The following TMPRSS11A variants were observed in gnomAD, a reference collection of about 807,000 sequenced individuals.
The protein encoded by TMPRSS11A is transmembrane protease serine 11A.
A neutral mutation model predicts 58.9 loss-of-function variants in TMPRSS11A; 53 were observed. The ratio of observed to expected loss-of-function variants is 0.90; its 90% CI spans 0.72 to 1.13. The LOEUF is 1.13. Ranked by LOEUF, TMPRSS11A falls within the 50% of genes most tolerant of loss-of-function variation. The pLI is 0.00. For synonymous variants in TMPRSS11A, 167 were observed against 169.8 expected (o/e 0.98, Z 0.13); for missense variants, 493 against 499.3 (o/e 0.99, Z 0.12).
intron 7 of TMPRSS11A, among the ~76,000 whole-genome samples, chr4:67,921,187 A>C (rs1316725336): frequency 6.6e-6 from 1 of 152,224 alleles, no homozygotes; most frequent in Non-Finnish European, 1.5e-5. Flanking sequence ...TATCTACCAC[A>C]AAAATGGCTA....
intron 6 of TMPRSS11A, among the ~76,000 whole-genome samples, chr4:67,923,811 CTTA>C (rs1365361644): frequency 6.6e-6 from 1 of 152,132 alleles, no homozygotes; most frequent in African/African-American, 2.4e-5. Flanking sequence ...TGATTACTTT[CTTA>C]TTATTTTATT....
At chr4:67,960,119 C>T (rs1403826759) in intron 1 of TMPRSS11A, among the ~76,000 whole-genome samples, 2 of 152,140 alleles carry the variant, frequency 1.3e-5, no homozygotes, top group Admixed American at 6.5e-5. Context: ...ATTGAGCACA[C>T]ATAGACATAA....
At chr4:67,937,748 C>T (rs1720784923) in intron 3 of TMPRSS11A, among the ~76,000 whole-genome samples, 1 of 152,066 alleles carries the variant, frequency 6.6e-6, no homozygotes, top group African/African-American at 2.4e-5. Flanking sequence ...CATAGTATTC[C>T]ATGGTATATA....
intron 1 of TMPRSS11A, among the ~76,000 whole-genome samples, chr4:67,953,489 G>C (rs1394440829): frequency 6.6e-6 from 1 of 152,140 alleles, no homozygotes; most frequent in Non-Finnish European, 1.5e-5. Context: ...CATCTCTACT[G>C]GGATGGTGGT....
chr4:67,944,591 T>C lies in TMPRSS11A; in HGVS notation c.180A>G (p.Pro60=). 1 of 1,613,162 alleles carries C rather than the reference T, an allele frequency of 6.2e-7. No individual in the cohort carries two copies. Among genetic ancestry groups the C allele is most frequent in the Non-Finnish European group, 8.5e-7 (1 of 1,179,226 alleles). Residue 60 remains proline, a synonymous_variant, in exon 3 of 10, where the codon CCA becomes CCG. Coordinates refer to ENST00000508048, the MANE Select transcript of TMPRSS11A (RefSeq NM_001114387.2). ...YYHGSFKILD[P]QINNNFGQSN... ...TTTGTCCGAAATTGTTATTGATTTG[T>C]GGATCTAAAATTTTAAAGGAGCCAT...
chr4:67,917,096 A>T (rs1244445758), intron 8 of TMPRSS11A, among the ~76,000 whole-genome samples: 2 of 151,762 alleles, frequency 1.3e-5, no homozygotes, highest in African/African-American at 2.4e-5. Flanking sequence ...TTATTTATCA[A>T]TTTTCTATAG....
rs116043974 is a variant in TMPRSS11A at position 67,912,766 on chromosome 4, T to G, written c.1096-1263A>C. 3.5e-3 allele frequency among the ~76,000 whole-genome samples: 529 copies of G among 152,338 alleles called. 5 individuals carry two copies. Among genetic ancestry groups the G allele is most frequent in the African/African-American group, 0.012 (508 of 41,582 alleles). The stretch of plus-strand genomic sequence containing the variant: ...CTTATCCCTGGCTTCTGACCCTTTA[T>G]GATGGTATGTCTTGGAAAGAAGTAC... On this transcript the variant is annotated intron_variant, in intron 9 of 9. Coordinates refer to ENST00000508048, the MANE Select transcript of TMPRSS11A (RefSeq NM_001114387.2).
chr4:67,930,754 T>TA (rs202134401), intron 4 of TMPRSS11A, among the ~76,000 whole-genome samples: 23,857 of 103,526 alleles, frequency 0.23, 2,658 homozygotes, highest in East Asian at 0.59. Context: ...GGTTTTTGTT[T>TA]AAAAAAAAAA....
At chr4:67,937,520 G>T (rs1323487613) in intron 3 of TMPRSS11A, among the ~76,000 whole-genome samples, 1 of 152,158 alleles carries the variant, frequency 6.6e-6, no homozygotes, top group African/African-American at 2.4e-5. Context: ...TTCTGTCTTA[G>T]CTGAGTCCCT....
At chr4:67,941,772 T>C (rs1475292575) in intron 3 of TMPRSS11A, among the ~76,000 whole-genome samples, 1 of 152,240 alleles carries the variant, frequency 6.6e-6, no homozygotes, top group Middle Eastern at 3.4e-3. Context: ...GATAAAACTA[T>C]AAGGTTAATA....
intron 3 of TMPRSS11A, among the ~76,000 whole-genome samples, chr4:67,937,242 C>T (rs561189730): frequency 6.6e-6 from 1 of 152,272 alleles, no homozygotes; most frequent in Admixed American, 6.5e-5. Context: ...TTTCTTCCAA[C>T]TATAGATTGT....
At chr4:67,961,932 G>T (rs1721438615) in intron 1 of TMPRSS11A, among the ~76,000 whole-genome samples, 1 of 152,022 alleles carries the variant, frequency 6.6e-6, no homozygotes. Context: ...AATGTTCATA[G>T]AAAAGGACAC....
chr4:67,924,369 T>C (rs1720411217), intron 5 of TMPRSS11A, among the ~76,000 whole-genome samples: 1 of 152,208 alleles, frequency 6.6e-6, no homozygotes, highest in Admixed American at 6.5e-5. Flanking sequence ...ATTAGGTGGA[T>C]ACTATCACAA....
At position 67,918,954 on chromosome 4, in the gene TMPRSS11A, G is replaced by T. The variant is rs751845351; in HGVS notation, c.952+19C>A. On this transcript the variant is annotated intron_variant, in intron 8 of 9. Coordinates refer to ENST00000508048, the MANE Select transcript of TMPRSS11A (RefSeq NM_001114387.2). ...TTAGACAGGGCTTAGCGCTCTGTTA[G>T]CTATCCTGAGATACCCACCACCATA... 1 of 1,613,506 alleles carries T rather than the reference G, an allele frequency of 6.2e-7. No individual in the cohort carries two copies. Among genetic ancestry groups the T allele is most frequent in the Non-Finnish European group, 8.5e-7 (1 of 1,179,556 alleles).
intron 5 of TMPRSS11A, among the ~76,000 whole-genome samples, chr4:67,926,405 T>A (rs768365238): frequency 6.6e-6 from 1 of 152,252 alleles, no homozygotes; most frequent in Non-Finnish European, 1.5e-5. Context: ...CGTAAAGATT[T>A]TCCTGAGCTG....
At chr4:67,938,037 C>A (rs530303988) in intron 3 of TMPRSS11A, among the ~76,000 whole-genome samples, 3 of 152,166 alleles carry the variant, frequency 2.0e-5, no homozygotes, top group African/African-American at 7.2e-5. Flanking sequence ...TTTAAGCATT[C>A]TCTTTCCTCC....
At chr4:67,961,971 A>G (rs569064151) in intron 1 of TMPRSS11A, among the ~76,000 whole-genome samples, 7 of 152,344 alleles carry the variant, frequency 4.6e-5, no homozygotes, top group Non-Finnish European at 8.8e-5. Context: ...TGAGCTTGAT[A>G]TTTTAAAAGA....
intron 1 of TMPRSS11A, among the ~76,000 whole-genome samples, chr4:67,955,917 T>C (rs1357655993): frequency 6.6e-6 from 1 of 152,200 alleles, no homozygotes; most frequent in African/African-American, 2.4e-5. Context: ...TTAACAAAAA[T>C]GAGAGTTTAA....
rs766734558 is a variant in TMPRSS11A at position 67,919,058 on chromosome 4, G to T, written c.867C>A (p.Arg289=). ...SSRVTFSDDI[R]QICLPEASAS... is the part of the protein sequence containing the mutation. ...CAGAGGCTTCTGGCAAACAAATCTG[G>T]CGTATGTCATCCGAAAAGGTGACTC... is the stretch of plus-strand genomic sequence containing the variant. Residue 289 remains arginine, a synonymous_variant, in exon 8 of 10, where the codon CGC becomes CGA. Transcript: ENST00000508048. 4.3e-5 allele frequency: 70 copies of T among 1,614,018 alleles called. No homozygotes were observed. Among genetic ancestry groups the T allele is most frequent in the Non-Finnish European group, 5.5e-5 (65 of 1,180,022 alleles).
Sources: allele counts gnomAD v4.1 joint callset (sites outside exome capture counted in the v4.1 genomes callset), GRCh38; gene constraint gnomAD v4.1.1; transcripts MANE v1.5; gene names NCBI Gene and HGNC (gene_info 2026-07-23, HGNC 2026-07-21).